The following ALDH1A2 variants were observed in gnomAD, a reference collection of about 807,000 sequenced individuals.
ALDH1A2 encodes the protein aldehyde dehydrogenase 1 family member A2.
A neutral mutation model predicts 60.3 loss-of-function variants in ALDH1A2; 27 were observed. The ratio of observed to expected loss-of-function variants is 0.45; its 90% CI spans 0.33 to 0.62. The LOEUF is 0.62. Among genes scored for constraint, ALDH1A2 ranks in the 20% least tolerant of loss-of-function variants. The pLI, the probability that ALDH1A2 is intolerant of heterozygous loss-of-function variation, is 0.02. For missense variants in ALDH1A2, 581 were observed against 643.8 expected, an observed-to-expected ratio of 0.90 and a Z score of 1.06; for synonymous variants, 289 against 232.4, an observed-to-expected ratio of 1.24 and a Z score of -2.21.
chr15:57,993,279 A>C (rs936517896), intron 5 of ALDH1A2, among the ~76,000 whole-genome samples: 1 of 152,170 alleles, frequency 6.6e-6, no homozygotes, highest in African/African-American at 2.4e-5. Context: ...CTGACCAACC[A>C]ATTACTATAC....
intron 4 of ALDH1A2, among the ~76,000 whole-genome samples, chr15:58,002,281 A>G (rs1174046300): frequency 1.3e-5 from 2 of 151,914 alleles, no homozygotes; most frequent in African/African-American, 4.8e-5. Context: ...GCTGCTAGAG[A>G]TCAACAGTAC....
At chr15:58,019,775 G>C (rs1595670904) in intron 1 of ALDH1A2, among the ~76,000 whole-genome samples, 1 of 152,130 alleles carries the variant, frequency 6.6e-6, no homozygotes, top group Non-Finnish European at 1.5e-5. Context: ...AACCAAAATG[G>C]AATGTCTGCT....
At chr15:57,973,874 A>C (rs898453897) in intron 7 of ALDH1A2, among the ~76,000 whole-genome samples, 9 of 152,250 alleles carry the variant, frequency 5.9e-5, no homozygotes, top group African/African-American at 2.2e-4. Flanking sequence ...ACACTGTAAT[A>C]GGCTACTTAA....
chr15:58,026,308 C>T (rs780151296), intron 1 of ALDH1A2, among the ~76,000 whole-genome samples: 1 of 152,140 alleles, frequency 6.6e-6, no homozygotes, highest in Non-Finnish European at 1.5e-5. Context: ...CACTGAAAAT[C>T]TACAGAATGA....
chr15:58,048,486 T>A (rs1319655333), intron 1 of ALDH1A2, among the ~76,000 whole-genome samples: 6 of 152,044 alleles, frequency 3.9e-5, no homozygotes, highest in Admixed American at 3.9e-4. Flanking sequence ...AGAGGACAGT[T>A]TGGTCAGCCT....
intron 9 of ALDH1A2, among the ~76,000 whole-genome samples, chr15:57,963,126 T>C (rs1017870867): frequency 6.6e-6 from 1 of 152,138 alleles, no homozygotes; most frequent in African/African-American, 2.4e-5. Context: ...TCCAGACTGG[T>C]TCAGGCTGCT....
At chr15:58,059,177 T>C (rs1232003734) in intron 1 of ALDH1A2, among the ~76,000 whole-genome samples, 6 of 152,182 alleles carry the variant, frequency 3.9e-5, no homozygotes, top group Non-Finnish European at 7.4e-5. Context: ...AAAGGTTAAA[T>C]GAAATAGATC....
At chr15:57,998,314 C>T (rs1195441618) in intron 4 of ALDH1A2, among the ~76,000 whole-genome samples, 1 of 152,070 alleles carries the variant, frequency 6.6e-6, no homozygotes, top group African/African-American at 2.4e-5. Flanking sequence ...ATTGTCTCAG[C>T]ACAAAAGCTT....
At chr15:57,994,058 T>A (rs1490903374) in intron 5 of ALDH1A2, among the ~76,000 whole-genome samples, 1 of 152,228 alleles carries the variant, frequency 6.6e-6, no homozygotes. Context: ...GAGCCAGAGC[T>A]GGCTGACAAG....
chr15:57,972,582 CTT>C (rs1894107391), intron 7 of ALDH1A2, among the ~76,000 whole-genome samples: 2 of 133,608 alleles, frequency 1.5e-5, no homozygotes. Flanking sequence ...ACTGCAGAAT[CTT>C]TGACTTAGCA....
chr15:58,011,392 T>A (rs1275757280), intron 3 of ALDH1A2, among the ~76,000 whole-genome samples: 5 of 152,202 alleles, frequency 3.3e-5, no homozygotes, highest in Admixed American at 3.3e-4. Flanking sequence ...CTCCATTTAA[T>A]AAAAATAGCA....
intron 7 of ALDH1A2, 117 bp downstream of exon 7, chr15:57,992,588 C>A: frequency 1.1e-6 from 1 of 916,162 alleles, no homozygotes; most frequent in Non-Finnish European, 1.8e-6. Context: ...CCTTTGTGGG[C>A]TTGGGTACTC....
At chr15:58,062,830 T>A (rs1897077751) in intron 1 of ALDH1A2, among the ~76,000 whole-genome samples, 1 of 152,198 alleles carries the variant, frequency 6.6e-6, no homozygotes, top group African/African-American at 2.4e-5. Flanking sequence ...GATACTAGAA[T>A]TTCAGAGTGG....
At chr15:58,037,379 A>G (rs1566956944) in intron 1 of ALDH1A2, among the ~76,000 whole-genome samples, 1 of 151,676 alleles carries the variant, frequency 6.6e-6, no homozygotes, top group African/African-American at 2.4e-5. Flanking sequence ...CAGGAAGAAG[A>G]GACTTTTAAA....
intron 3 of ALDH1A2, among the ~76,000 whole-genome samples, chr15:58,012,839 A>G (rs957060711): frequency 6.6e-6 from 1 of 152,100 alleles, no homozygotes; most frequent in African/African-American, 2.4e-5. Context: ...ATAGTGACCT[A>G]TTTTCCCAAG....
chr15:58,046,905 A>G (rs1896652639), intron 1 of ALDH1A2, among the ~76,000 whole-genome samples: 2 of 152,082 alleles, frequency 1.3e-5, no homozygotes, highest in Admixed American at 6.6e-5. Context: ...GGATTCTTCT[A>G]AAAGTTGCTT....
intron 1 of ALDH1A2, among the ~76,000 whole-genome samples, chr15:58,042,308 A>C (rs527639275): frequency 4.6e-4 from 70 of 151,916 alleles, no homozygotes; most frequent in African/African-American, 1.7e-3. Flanking sequence ...ACATATACCT[A>C]CCTATCATAC....
At chr15:58,064,547 T>C (rs192177767) in intron 1 of ALDH1A2, among the ~76,000 whole-genome samples, 135 of 152,324 alleles carry the variant, frequency 8.9e-4, no homozygotes, top group African/African-American at 2.7e-3. Flanking sequence ...CATATGCATG[T>C]GCGTCTATGC....
intron 1 of ALDH1A2, among the ~76,000 whole-genome samples, chr15:58,016,606 T>C (rs796632481): frequency 6.6e-6 from 1 of 152,208 alleles, no homozygotes; most frequent in African/African-American, 2.4e-5. Flanking sequence ...GATCATTTTA[T>C]AAATCTAAGA....
Sources: gnomAD v4.1 joint callset for allele counts (sites outside exome capture counted in the v4.1 genomes callset) on GRCh38, gnomAD v4.1.1 for gene constraint, MANE v1.5 for transcripts, NCBI Gene and HGNC (gene_info 2026-07-23, HGNC 2026-07-21) for gene names.